OPN4: variants seen among roughly 807,000 people sequenced by gnomAD.
OPN4 encodes the protein opsin 4, also known as melanopsin.
OPN4 carries 43 observed loss-of-function variants against 49.5 expected under a neutral mutation model. The observed-to-expected ratio is 0.87, with a 90% CI of 0.68 to 1.12. OPN4 has a LOEUF of 1.12. Among genes scored for constraint, OPN4 ranks in the 50% most tolerant of loss-of-function variants. The pLI, the probability that OPN4 is intolerant of heterozygous loss-of-function variation, is 0.00. For missense variants in OPN4, 657 were observed against 643.9 expected (o/e 1.02, Z -0.22); for synonymous variants, 263 against 258.0 (o/e 1.02, Z -0.19).
At chr10:86,655,854 A>C (rs2675704) in intron 1 of OPN4, among the ~76,000 whole-genome samples, 112,628 of 152,004 alleles carry the variant, frequency 0.74, 42,091 homozygotes, top group African/African-American at 0.83. Flanking sequence ...TAGGGTGACC[A>C]GGGCCATGTC....
Position 86,666,040 on chromosome 10 carries a change from C to CA in OPN4, c.*292dup. 1 of 484,986 alleles carries CA rather than the reference C, an allele frequency of 2.1e-6. No individual in the cohort carries two copies. Among genetic ancestry groups the CA allele is most frequent in the Non-Finnish European group, 3.7e-6 (1 of 272,556 alleles). 30.0% of individuals were successfully genotyped at this position (484,986 alleles called of 1,614,324 possible). On this transcript the variant is annotated 3_prime_UTR_variant, in exon 10 of 10. Coordinates refer to ENST00000241891, the MANE Select transcript of OPN4 (RefSeq NM_033282.4). ...ACTTCCCGAGTTGTCTGCCTCTCCT[C>CA]AAATGCTGTGTGCTGCAATTGTCCA... is the stretch of plus-strand genomic sequence containing the variant.
rs1202952329 is a variant in OPN4, at chr10:86,665,851, T to C, written c.*100T>C. On this transcript the variant is annotated 3_prime_UTR_variant, in exon 10 of 10. Coordinates refer to ENST00000241891, the MANE Select transcript of OPN4 (RefSeq NM_033282.4). ...GATTATGCTGTGAGCCTGCAGGCTT[T>C]GGAAGTGGCCCTGTCACCCGTGCTG... 4.1e-6 allele frequency: 4 copies of C among 986,164 alleles called. No individual in the cohort carries two copies. The highest frequency in any genetic ancestry group is 4.7e-6 in the Non-Finnish European group (3 of 636,404). 61.1% of individuals were successfully genotyped at this position (986,164 alleles called of 1,614,324 possible). A position where few individuals can be genotyped will look rare whatever the true frequency, so the allele number is the denominator to read the frequency against.
chr10:86,662,417 C>T lies in OPN4; in HGVS notation c.1239C>T (p.Gly413=). 6.4e-7 allele frequency: 1 copy of T among 1,551,828 alleles called. No individual in the cohort carries two copies. Among genetic ancestry groups the T allele is most frequent in the Non-Finnish European group, 8.7e-7 (1 of 1,149,760 alleles). The change falls in exon 8 of 10, where the codon GGC becomes GGT. Residue 413 remains glycine, a synonymous_variant. Transcript: ENST00000241891. ...ISIRRRQESL[G]SESEVGWTHM... ...TACGGAGGCGCCAGGAGTCCCTGGG[C>T]TCGGAGAGTGAGGTGGTAAGGATGC...
At chr10:86,663,582 G>T in intron 8 of OPN4, 77 bp from the exon 9 acceptor site, 1 of 1,328,134 alleles carries the variant, frequency 7.5e-7, no homozygotes. Context: ...GATGAAGGAG[G>T]GCCTGGTGGG....
At chr10:86,661,485 T>A in intron 7 of OPN4, 97 bp downstream of exon 7, 1 of 881,598 alleles carries the variant, frequency 1.1e-6, no homozygotes, top group Non-Finnish European at 1.8e-6. Flanking sequence ...CGTGTGTGTG[T>A]AGAATGGGGG....
chr10:86,657,076 G>A (rs1843886820), intron 2 of OPN4: 1 of 678,748 alleles, frequency 1.5e-6, no homozygotes, highest in African/African-American at 1.8e-5. Context: ...GAGACAGGCA[G>A]GTGGAGAAGG....
chr10:86,658,315 A>G, intron 3 of OPN4, 150 bp downstream of exon 3: 1 of 1,281,732 alleles, frequency 7.8e-7, no homozygotes, highest in South Asian at 1.4e-5. Flanking sequence ...GCAAGAAGGG[A>G]AGATGCAGTG....
At position 86,661,401 on chromosome 10, in the gene OPN4, T is replaced by C; in HGVS notation, c.1073+13T>C. The C allele has an allele frequency of 1.2e-6, 2 of 1,601,712 alleles. No individual in the cohort carries two copies. The highest frequency in any genetic ancestry group is 2.7e-5 in the African/African-American group (2 of 74,784). On this transcript the variant is annotated intron_variant, in intron 7 of 9. Transcript: ENST00000241891. Reference sequence around the variant, plus strand: ...ACCCCAAGTACAGGTGTGGCTCTTTTCCAGAACCCCACACCTTGGCCTCCA... The same window carrying C: ...ACCCCAAGTACAGGTGTGGCTCTTTCCCAGAACCCCACACCTTGGCCTCCA...
rs753202138 is a variant in OPN4, at chr10:86,662,304, C to T, written c.1126C>T (p.Arg376Cys). 81 of 1,608,604 alleles carry T rather than the reference C, an allele frequency of 5.0e-5. No individual in the cohort carries two copies. The highest frequency in any genetic ancestry group is 3.1e-4 in the African/African-American group (23 of 74,894). ...PCLGVLLGVS[R>C]RHSRPYPSYR... ...CCTGGGGGTGCTGCTGGGTGTATCA[C>T]GCCGGCACAGTCGCCCCTACCCCAG... The change falls in exon 8 of 10, where the codon CGC becomes TGC. Residue 376 changes from arginine to cysteine, a missense_variant. Coordinates refer to ENST00000241891, the MANE Select transcript of OPN4 (RefSeq NM_033282.4).
chr10:86,664,056 A>G (rs145064869), intron 9 of OPN4: 2 of 460,998 alleles, frequency 4.3e-6, no homozygotes, highest in Admixed American at 3.8e-5. Context: ...CTGACTCTGC[A>G]TGGTGCTGTT....
chr10:86,659,338 G>C lies in OPN4; in HGVS notation c.670G>C (p.Asp224His). ...PEGLLTSCSW[D>H]YMSFTPAVRA... ...GGGGTTGCTGACATCCTGCTCCTGG[G>C]ACTACATGAGCTTCACGCCGGCCGT... The change falls in exon 5 of 10, where the codon GAC becomes CAC. Residue 224 changes from aspartate (D) to histidine (H), a missense_variant. Transcript: ENST00000241891. 1 of 1,613,730 alleles carries C rather than the reference G, an allele frequency of 6.2e-7. No individual in the cohort carries two copies. Among genetic ancestry groups the C allele is most frequent in the Non-Finnish European group, 8.5e-7 (1 of 1,180,006 alleles).
At chr10:86,665,279 C>A (rs898268226) in intron 9 of OPN4, among the ~76,000 whole-genome samples, 4 of 152,014 alleles carry the variant, frequency 2.6e-5, no homozygotes, top group African/African-American at 9.7e-5. Context: ...TGTCTCCAGA[C>A]CTGACCTGGG....
Position 86,661,270 on chromosome 10 carries a change from C to T in OPN4, c.966-11C>T, listed in dbSNP as rs369929893. 6.3e-5 allele frequency: 101 copies of T among 1,611,312 alleles called. No homozygotes were observed. The highest frequency in any genetic ancestry group is 6.5e-5 in the Non-Finnish European group (76 of 1,177,840). On this transcript the variant is annotated splice_polypyrimidine_tract_variant and intron_variant, in intron 6 of 9. Transcript: ENST00000241891. Reference sequence around the variant, plus strand: ...CCAGCTAGCTTGGGGACCACACCTTCTCTGTCCTAGGTACGCACACGTCCT... The same window carrying T: ...CCAGCTAGCTTGGGGACCACACCTTTTCTGTCCTAGGTACGCACACGTCCT...
At chr10:86,657,473 C>T (rs902418203) in intron 2 of OPN4, among the ~76,000 whole-genome samples, 1 of 152,102 alleles carries the variant, frequency 6.6e-6, no homozygotes, top group African/African-American at 2.4e-5. Context: ...ATTACAGAGA[C>T]AGTGTGCAGG....
At chr10:86,665,674 T>G (rs756223559) in intron 9 of OPN4, 39 bp from the exon 10 acceptor site, 3 of 1,596,956 alleles carry the variant, frequency 1.9e-6, no homozygotes. Context: ...CCCAGTGAAC[T>G]GCTCCTCAGC....
At chr10:86,659,612 G>C in intron 5 of OPN4, 144 bp downstream of exon 5, 1 of 1,217,998 alleles carries the variant, frequency 8.2e-7, no homozygotes, top group Non-Finnish European at 1.1e-6. Flanking sequence ...TTATGGGGCA[G>C]CAGTGTCTAG....
At chr10:86,657,224 T>C in intron 2 of OPN4, 1 of 780,830 alleles carries the variant, frequency 1.3e-6, no homozygotes, top group South Asian at 1.3e-5. Flanking sequence ...ACTGTGATGA[T>C]GCAGTAAGTT....
intron 1 of OPN4, among the ~76,000 whole-genome samples, chr10:86,655,848 G>A (rs1035635975): frequency 3.9e-5 from 6 of 152,164 alleles, no homozygotes; most frequent in Admixed American, 2.0e-4. Context: ...GAAAGATAGG[G>A]TGACCAGGGC....
chr10:86,656,860 G>A (rs1035248849), intron 2 of OPN4, among the ~76,000 whole-genome samples: 5 of 148,772 alleles, frequency 3.4e-5, no homozygotes, highest in Admixed American at 1.4e-4. Context: ...CAGGAAAATC[G>A]CCTAAACCTG....
Sources: gnomAD v4.1 joint callset for allele counts (sites outside exome capture counted in the v4.1 genomes callset) on GRCh38, gnomAD v4.1.1 for gene constraint, MANE v1.5 for transcripts, NCBI Gene and HGNC (gene_info 2026-07-23, HGNC 2026-07-21) for gene names.